Variants in PDE11A observed in about 807,000 individuals in gnomAD.
The protein encoded by PDE11A is phosphodiesterase 11A, also known as dual 3',5'-cyclic-AMP and -GMP phosphodiesterase 11A.
PDE11A carries 100 observed loss-of-function variants against 100.5 expected under a neutral mutation model. The observed-to-expected ratio is 1.00, with a 90% CI of 0.85 to 1.18. PDE11A has a LOEUF of 1.18. Among genes scored for constraint, PDE11A ranks in the 50% most tolerant of loss-of-function variants. The pLI, the probability that PDE11A is intolerant of heterozygous loss-of-function variation, is 0.00. For missense variants in PDE11A, 1,141 were observed against 1,152.6 expected, an observed-to-expected ratio of 0.99 and a Z score of 0.15; for synonymous variants, 381 against 420.8, an observed-to-expected ratio of 0.91 and a Z score of 1.16.
chr2:177,886,424 CA>C (rs1469369974), intron 4 of PDE11A, among the ~76,000 whole-genome samples: 1 of 152,180 alleles, frequency 6.6e-6, no homozygotes, highest in Non-Finnish European at 1.5e-5. Flanking sequence ...GAACAGTTTA[CA>C]CCTGAGTGCC....
At chr2:178,026,490 G>A (rs965473229) in intron 1 of PDE11A, among the ~76,000 whole-genome samples, 40 of 151,862 alleles carry the variant, frequency 2.6e-4, no homozygotes, top group African/African-American at 8.7e-4. Context: ...GTGAAACCCC[G>A]TCTTTACTAA....
At chr2:177,712,242 G>C (rs2081367934) in intron 12 of PDE11A, among the ~76,000 whole-genome samples, 1 of 152,150 alleles carries the variant, frequency 6.6e-6, no homozygotes, top group Non-Finnish European at 1.5e-5. Context: ...TTTGGAGGTT[G>C]GAGGTTGGGG....
intron 10 of PDE11A, among the ~76,000 whole-genome samples, chr2:177,749,550 T>A (rs1035701898): frequency 2.0e-5 from 3 of 152,148 alleles, no homozygotes; most frequent in African/African-American, 7.2e-5. Context: ...TAGTTTGCTT[T>A]GCTATTTTCT....
Position 177,666,102 on chromosome 2 carries a change from G to T in PDE11A, c.2563-2153C>A, listed in dbSNP as rs540254346. 8.5e-5 allele frequency among the ~76,000 whole-genome samples: 13 copies of T among 152,160 alleles called. No individual in the cohort carries two copies. In the South Asian group the frequency reaches 2.5e-3, roughly 29 times the overall value. ...CTTTTTTTCCGCACTCCCAGCCTTA[G>T]GCAACCACTAATCTACTTTCTCTAT... On this transcript the variant is annotated intron_variant, in intron 18 of 19. Transcript: ENST00000286063.
chr2:178,031,934 T>C (rs2086553373), intron 1 of PDE11A, among the ~76,000 whole-genome samples: 1 of 152,146 alleles, frequency 6.6e-6, no homozygotes, highest in South Asian at 2.1e-4. Flanking sequence ...TAATACTTTC[T>C]ATAAGCTACA....
At chr2:177,665,563 A>C (rs57595473) in intron 18 of PDE11A, among the ~76,000 whole-genome samples, 8,025 of 151,426 alleles carry the variant, frequency 0.053, 298 homozygotes, top group East Asian at 0.18. Context: ...TCTTTAAAAA[A>C]TATTATTCTG....
intron 2 of PDE11A, among the ~76,000 whole-genome samples, chr2:178,098,843 T>C (rs949975576): frequency 4.6e-5 from 7 of 152,202 alleles, no homozygotes; most frequent in African/African-American, 1.7e-4. Flanking sequence ...CTAACAAAAT[T>C]TGACATGACA....
upstream of PDE11A, among the ~76,000 whole-genome samples, chr2:178,076,446 C>T (rs1455954302): frequency 3.3e-5 from 5 of 152,162 alleles, no homozygotes; most frequent in Admixed American, 2.6e-4. Context: ...TCTTCTAGTA[C>T]TATGCTTTCC....
Position 178,049,104 on chromosome 2 carries a change from A to G in PDE11A, c.912+22422T>C, listed in dbSNP as rs114389079. 5.8e-3 allele frequency among the ~76,000 whole-genome samples: 891 copies of G among 152,366 alleles called. 13 individuals carry two copies. Among genetic ancestry groups the G allele is most frequent in the African/African-American group, 0.021 (865 of 41,590 alleles). On this transcript the variant is annotated intron_variant, in intron 1 of 19. Coordinates refer to ENST00000286063, the MANE Select transcript of PDE11A (RefSeq NM_016953.4). ...CAAATATTTGAATATTTAAATGTTC[A>G]ACATTTGAATATTTGAATAACCAAT...
At chr2:177,958,219 C>G (rs1310011679) in intron 2 of PDE11A, among the ~76,000 whole-genome samples, 1 of 152,026 alleles carries the variant, frequency 6.6e-6, no homozygotes, top group Non-Finnish European at 1.5e-5. Flanking sequence ...TAAATAGAAT[C>G]CTCTAGTACA....
At chr2:177,738,920 A>G (rs1030667599) in intron 10 of PDE11A, among the ~76,000 whole-genome samples, 12 of 152,252 alleles carry the variant, frequency 7.9e-5, no homozygotes. Flanking sequence ...TAGAGACCAC[A>G]TGAGTTGGTT....
intron 2 of PDE11A, among the ~76,000 whole-genome samples, chr2:178,090,910 G>A (rs891134807): frequency 6.6e-6 from 1 of 152,152 alleles, no homozygotes; most frequent in Non-Finnish European, 1.5e-5. Context: ...TGGGCTCCAT[G>A]AGGAGCGCAT....
chr2:178,049,062 T>G (rs2086788399), intron 1 of PDE11A, among the ~76,000 whole-genome samples: 1 of 152,196 alleles, frequency 6.6e-6, no homozygotes, highest in Non-Finnish European at 1.5e-5. Context: ...AAAAGGTTAT[T>G]ATGAAGATCT....
At chr2:177,853,728 GTGTA>G (rs2083771350) in intron 5 of PDE11A, among the ~76,000 whole-genome samples, 1 of 94,190 alleles carries the variant, frequency 1.1e-5, no homozygotes, top group Non-Finnish European at 2.1e-5. Flanking sequence ...GTGTGTGTGT[GTGTA>G]TATCTATATG....
Position 177,795,137 on chromosome 2 carries a change from G to A in PDE11A, c.1737+21692C>T, listed in dbSNP as rs139992940. Among the ~76,000 whole-genome samples the A allele has an allele frequency of 2.5e-3, 380 of 152,226 alleles. 1 individual carries two copies. The highest frequency in any genetic ancestry group is 0.01 in the Middle Eastern group (3 of 294). On this transcript the variant is annotated intron_variant, in intron 9 of 19. Coordinates refer to ENST00000286063, the MANE Select transcript of PDE11A (RefSeq NM_016953.4). ...AACCTTTATTCTTATTTCATTCTACGGGATGAATTTAATCACGGAAGTTGA... is the reference window on the plus strand; with the variant it reads ...AACCTTTATTCTTATTTCATTCTACAGGATGAATTTAATCACGGAAGTTGA...
At chr2:177,829,674 G>A (rs1050405790) in intron 6 of PDE11A, among the ~76,000 whole-genome samples, 27 of 150,198 alleles carry the variant, frequency 1.8e-4, no homozygotes, top group East Asian at 7.8e-4. Context: ...GGAAGGTCTC[G>A]ATCTCCTGAC....
Position 177,898,151 on chromosome 2 carries a change from C to T in PDE11A, c.1209G>A (p.Leu403=), listed in dbSNP as rs964290743. ...GCATTATTTTCTTGACAATTTTCTC[C>T]AGGTCAGTCTGTTCTTCAAAGAGGT... The part of the protein sequence containing the change: ...VNDLFEEQTD[L]EKIVKKIMHR... The change falls in exon 4 of 20, where the codon CTG becomes CTA. Residue 403 remains leucine, a synonymous_variant. Coordinates refer to ENST00000286063, the MANE Select transcript of PDE11A (RefSeq NM_016953.4). The T allele has an allele frequency of 1.2e-5, 20 of 1,609,284 alleles. No individual in the cohort carries two copies. The highest frequency in any genetic ancestry group is 1.7e-5 in the Non-Finnish European group (20 of 1,175,696).
chr2:177,857,244 C>CA (rs543962884), intron 5 of PDE11A, among the ~76,000 whole-genome samples: 6 of 151,784 alleles, frequency 4.0e-5, no homozygotes, highest in Non-Finnish European at 5.9e-5. Context: ...CTCAAATAAA[C>CA]AAAAACTGAG....
chr2:177,667,353 A>C (rs976832964), intron 18 of PDE11A, among the ~76,000 whole-genome samples: 10 of 152,082 alleles, frequency 6.6e-5, no homozygotes, highest in Non-Finnish European at 1.0e-4. Context: ...TTATACCTAT[A>C]TTTTCTTCTA....
Sources: allele counts gnomAD v4.1 joint callset (sites outside exome capture counted in the v4.1 genomes callset), GRCh38; gene constraint gnomAD v4.1.1; transcripts MANE v1.5; gene names NCBI Gene and HGNC (gene_info 2026-07-23, HGNC 2026-07-21).